The following LPGAT1 variants were observed in gnomAD, a reference collection of about 807,000 sequenced individuals.
The protein encoded by LPGAT1 is acyl-CoA:lysophosphatidylglycerol acyltransferase 1.
Under a neutral mutation model 47.5 loss-of-function variants are expected in LPGAT1, and 11 were observed. The ratio of observed to expected loss-of-function variants is 0.23; its 90% CI spans 0.15 to 0.38. LPGAT1 has a LOEUF of 0.38. Among genes scored for constraint, LPGAT1 ranks in the 10% least tolerant of loss-of-function variants. LPGAT1 has a pLI of 1.00. For synonymous variants in LPGAT1, 138 were observed against 144.2 expected, an observed-to-expected ratio of 0.96 and a Z score of 0.31; for missense variants, 293 against 439.0, an observed-to-expected ratio of 0.67 and a Z score of 2.97.
At chr1:211,779,944 G>A (rs745419525) in intron 5 of LPGAT1, among the ~76,000 whole-genome samples, 50 of 152,188 alleles carry the variant, frequency 3.3e-4, no homozygotes, top group Non-Finnish European at 4.9e-4. Flanking sequence ...TTGGGAGGCT[G>A]AGGCGGGCAG....
At chr1:211,769,629 T>C (rs1658081347) in intron 6 of LPGAT1, among the ~76,000 whole-genome samples, 1 of 152,232 alleles carries the variant, frequency 6.6e-6, no homozygotes, top group Non-Finnish European at 1.5e-5. Flanking sequence ...TTTATGGTTA[T>C]TTCTTAATTA....
intron 3 of LPGAT1, among the ~76,000 whole-genome samples, chr1:211,791,531 G>A (rs563529290): frequency 6.6e-6 from 1 of 152,182 alleles, no homozygotes; most frequent in African/African-American, 2.4e-5. Context: ...GATCACCTGA[G>A]GCCAGGAGTT....
At chr1:211,828,934 TTC>T in intron 2 of LPGAT1, 123 bp downstream of exon 2, 1 of 894,142 alleles carries the variant, frequency 1.1e-6, no homozygotes, top group East Asian at 2.6e-5. Flanking sequence ...TAGAACTGTT[TTC>T]TTTTTATTTT....
At chr1:211,786,717 C>G (rs1400644922) in intron 4 of LPGAT1, among the ~76,000 whole-genome samples, 2 of 152,068 alleles carry the variant, frequency 1.3e-5, no homozygotes, top group Non-Finnish European at 2.9e-5. Flanking sequence ...ACTTATTTTT[C>G]CTACTATGAA....
intron 6 of LPGAT1, among the ~76,000 whole-genome samples, chr1:211,774,797 T>A (rs1389687586): frequency 6.6e-6 from 1 of 152,190 alleles, no homozygotes; most frequent in Non-Finnish European, 1.5e-5. Context: ...AGTAGTAAAT[T>A]AACGGAGAAA....
At position 211,744,889 on chromosome 1, in the gene LPGAT1, G is replaced by C. The variant is rs1656883560; in HGVS notation, c.*5010C>G. On this transcript the variant is annotated 3_prime_UTR_variant, in exon 8 of 8. Coordinates refer to ENST00000366997, the MANE Select transcript of LPGAT1 (RefSeq NM_014873.3). Reference sequence around the variant, plus strand: ...GCCTTCAGCATCCAACTGCCACAGTGTGCTTTAAGTACTTGCCTGCAGATA... The same window carrying C: ...GCCTTCAGCATCCAACTGCCACAGTCTGCTTTAAGTACTTGCCTGCAGATA... 1 of 152,558 alleles carries C rather than the reference G, an allele frequency of 6.6e-6. No homozygotes were observed. The highest frequency in any genetic ancestry group is 6.5e-5 in the Admixed American group (1 of 15,268). The allele number at this position is 152,558 out of a possible 1,614,324, so 9.5% of individuals were successfully genotyped here.
chr1:211,821,008 T>C (rs1660352283), intron 2 of LPGAT1, among the ~76,000 whole-genome samples: 1 of 152,154 alleles, frequency 6.6e-6, no homozygotes. Flanking sequence ...ATATAACATT[T>C]AATATCAGAA....
chr1:211,755,831 C>A (rs1250509064), intron 6 of LPGAT1, among the ~76,000 whole-genome samples: 1 of 152,126 alleles, frequency 6.6e-6, no homozygotes, highest in African/African-American at 2.4e-5. Flanking sequence ...CCTTCTATCT[C>A]CCAAAATACA....
intron 3 of LPGAT1, 121 bp downstream of exon 3, chr1:211,792,951 C>T: frequency 1.7e-6 from 1 of 595,090 alleles, no homozygotes; most frequent in South Asian, 2.3e-5. Flanking sequence ...ACCTCATGAT[C>T]CACCCACCTC....
chr1:211,815,362 C>G (rs1660134888), intron 2 of LPGAT1, among the ~76,000 whole-genome samples: 1 of 152,182 alleles, frequency 6.6e-6, no homozygotes, highest in Non-Finnish European at 1.5e-5. Context: ...ACCTCATCCT[C>G]CATGTCTAAT....
chr1:211,780,351 T>G (rs1658588552), intron 5 of LPGAT1, among the ~76,000 whole-genome samples: 1 of 152,176 alleles, frequency 6.6e-6, no homozygotes, highest in Non-Finnish European at 1.5e-5. Context: ...GTTTGATCCT[T>G]TGCACACTGT....
At chr1:211,757,960 G>A (rs1308125475) in intron 6 of LPGAT1, among the ~76,000 whole-genome samples, 5 of 152,138 alleles carry the variant, frequency 3.3e-5, no homozygotes, top group Non-Finnish European at 2.9e-5. Flanking sequence ...AGGCTACTTC[G>A]CTTGCAGTAT....
intron 6 of LPGAT1, among the ~76,000 whole-genome samples, chr1:211,759,687 C>T (rs1657610430): frequency 6.6e-6 from 1 of 152,152 alleles, no homozygotes; most frequent in Non-Finnish European, 1.5e-5. Flanking sequence ...TAAGCTACAT[C>T]TCACAACTTT....
intron 4 of LPGAT1, among the ~76,000 whole-genome samples, chr1:211,783,969 A>G (rs1005081466): frequency 6.6e-6 from 1 of 152,216 alleles, no homozygotes; most frequent in Admixed American, 6.5e-5. Context: ...GAAAGCTGCT[A>G]TGAGGAGGTG....
At chr1:211,825,188 C>CTT (rs953536979) in intron 2 of LPGAT1, among the ~76,000 whole-genome samples, 1,689 of 70,912 alleles carry the variant, frequency 0.024, 444 homozygotes, top group Non-Finnish European at 0.03. Context: ...GCACAGTCTT[C>CTT]TTTTTTTTTT....
chr1:211,788,712 G>A (rs1658988329), intron 3 of LPGAT1, among the ~76,000 whole-genome samples: 2 of 151,752 alleles, frequency 1.3e-5, no homozygotes, highest in South Asian at 4.2e-4. Flanking sequence ...AAGTACAAAC[G>A]GGATCTAATT....
chr1:211,807,019 CT>C (rs1237056105), intron 2 of LPGAT1, among the ~76,000 whole-genome samples: 1 of 152,026 alleles, frequency 6.6e-6, no homozygotes, highest in Non-Finnish European at 1.5e-5. Flanking sequence ...CCTATGTAGA[CT>C]ATCTTAAATG....
intron 2 of LPGAT1, among the ~76,000 whole-genome samples, chr1:211,809,138 C>A (rs1206055985): frequency 6.6e-6 from 1 of 151,770 alleles, no homozygotes; most frequent in African/African-American, 2.4e-5. Context: ...CTGGGAGGTG[C>A]AGCTTGCAGT....
chr1:211,811,495 T>G (rs1249784645), intron 2 of LPGAT1, among the ~76,000 whole-genome samples: 1 of 152,204 alleles, frequency 6.6e-6, no homozygotes, highest in African/African-American at 2.4e-5. Context: ...CAGTGGCTCA[T>G]GCCTGTAATC....
Sources: gnomAD v4.1 joint callset for allele counts (sites outside exome capture counted in the v4.1 genomes callset) on GRCh38, gnomAD v4.1.1 for gene constraint, MANE v1.5 for transcripts, NCBI Gene and HGNC (gene_info 2026-07-23, HGNC 2026-07-21) for gene names.